The following GFRAL variants were observed in gnomAD, a reference collection of about 807,000 sequenced individuals.
GFRAL encodes the protein GDNF family receptor alpha like.
In GFRAL, 36 loss-of-function variants were observed where a neutral mutation model predicts 45.4. The ratio of observed to expected loss-of-function variants is 0.79; its 90% CI spans 0.61 to 1.05. GFRAL has a LOEUF of 1.05. Among genes scored for constraint, GFRAL ranks in the 50% least tolerant of loss-of-function variants. The probability of loss-of-function intolerance (pLI) is 0.00; values close to 1 mark genes in which losing one functional copy is unlikely to be tolerated. For synonymous variants in GFRAL, 166 were observed against 154.1 expected (o/e 1.08, Z -0.57); for missense variants, 507 against 467.5 (o/e 1.08, Z -0.78).
chr6:55,359,251 T>C (rs2127357353), intron 6 of GFRAL, 113 bp downstream of exon 6: 1 of 846,924 alleles, frequency 1.2e-6, no homozygotes, highest in African/African-American at 1.7e-5. Context: ...CACAGACATT[T>C]TTGTGTTTGG....
At chr6:55,335,596 A>G (rs1280269352) in intron 3 of GFRAL, among the ~76,000 whole-genome samples, 1 of 152,166 alleles carries the variant, frequency 6.6e-6, no homozygotes, top group Non-Finnish European at 1.5e-5. Flanking sequence ...CCTATGTTAC[A>G]TTATGAATTA....
chr6:55,397,492 T>C (rs1768842367), intron 6 of GFRAL, among the ~76,000 whole-genome samples: 1 of 118,066 alleles, frequency 8.5e-6, no homozygotes. Flanking sequence ...CAGTCCGCAG[T>C]CCGGCCTGGG....
chr6:55,349,263 C>A (rs1488263983), intron 3 of GFRAL, among the ~76,000 whole-genome samples: 1 of 152,048 alleles, frequency 6.6e-6, no homozygotes, highest in Non-Finnish European at 1.5e-5. Context: ...GAAATATGAA[C>A]AAACAGCTCA....
rs183313818 is a variant in GFRAL, at chr6:55,352,286, T to C, written c.701+703T>C. On this transcript the variant is annotated intron_variant, in intron 5 of 8. Coordinates refer to ENST00000340465, the MANE Select transcript of GFRAL (RefSeq NM_207410.2). ...TAATATACTTAATATATAAGGATTA[T>C]AGGTTAAACATTCCACAACAAAGTA... 5.3e-5 allele frequency among the ~76,000 whole-genome samples: 8 copies of C among 152,236 alleles called. No individual in the cohort carries two copies. The East Asian group carries it at 1.4e-3, about 26-fold the overall frequency.
intron 3 of GFRAL, among the ~76,000 whole-genome samples, chr6:55,347,943 T>A (rs1237541731): frequency 6.6e-6 from 1 of 152,166 alleles, no homozygotes; most frequent in Non-Finnish European, 1.5e-5. Context: ...ATTGTAAGCA[T>A]ATTTCTTATC....
At chr6:55,369,853 G>T (rs1385017841) in intron 6 of GFRAL, among the ~76,000 whole-genome samples, 1 of 152,052 alleles carries the variant, frequency 6.6e-6, no homozygotes, top group East Asian at 1.9e-4. Flanking sequence ...AAAATATCCT[G>T]CTTCTTTAGT....
chr6:55,380,386 T>G (rs2127363023), intron 6 of GFRAL, among the ~76,000 whole-genome samples: 1 of 152,082 alleles, frequency 6.6e-6, no homozygotes, highest in South Asian at 2.1e-4. Flanking sequence ...GACATTAAAT[T>G]TTTGGTTCTC....
At chr6:55,334,085 G>T (rs1212222514) in intron 3 of GFRAL, 141 bp downstream of exon 3, 3 of 596,382 alleles carry the variant, frequency 5.0e-6, no homozygotes, top group Non-Finnish European at 8.1e-6. Context: ...TAAAAATTTT[G>T]TTGGTATATA....
chr6:55,355,032 A>T (rs1449534540), intron 5 of GFRAL, among the ~76,000 whole-genome samples: 1 of 152,002 alleles, frequency 6.6e-6, no homozygotes, highest in Non-Finnish European at 1.5e-5. Flanking sequence ...AACTTAAAAA[A>T]GTAATGACAA....
At chr6:55,378,678 A>T (rs1195060119) in intron 6 of GFRAL, among the ~76,000 whole-genome samples, 1 of 151,194 alleles carries the variant, frequency 6.6e-6, no homozygotes, top group Non-Finnish European at 1.5e-5. Context: ...CCTTTTCTAC[A>T]GTCTTCCAAG....
In GFRAL at chr6:55,373,796, T is replaced by A. The variant is rs117642304; in HGVS notation, c.952+14658T>A. ...TACATGTGCAGGATATACGGTTTGT[T>A]ACATAGGTAAATGCATGCCATAGTG... On this transcript the variant is annotated intron_variant, in intron 6 of 8. Transcript: ENST00000340465. Among the ~76,000 whole-genome samples, 22 of 152,230 alleles carry A rather than the reference T, an allele frequency of 1.4e-4. No homozygotes were observed. In the East Asian group the frequency reaches 4.3e-3, roughly 29 times the overall value.
chr6:55,395,175 A>AAAAAATATATATATATATATATATATAT, intron 6 of GFRAL, among the ~76,000 whole-genome samples: 2 of 123,508 alleles, frequency 1.6e-5, no homozygotes, highest in African/African-American at 6.9e-5. Flanking sequence ...AAAAAAAAAA[A>AAAAAATATATATATATATATATATATAT]ATATATATAT....
At chr6:55,350,635 A>C (rs1052956084) in intron 4 of GFRAL, among the ~76,000 whole-genome samples, 1 of 152,136 alleles carries the variant, frequency 6.6e-6, no homozygotes, top group East Asian at 1.9e-4. Flanking sequence ...CAGGAGTTGG[A>C]GGTTGCAGTG....
intron 6 of GFRAL, among the ~76,000 whole-genome samples, chr6:55,377,299 A>G (rs1434324792): frequency 6.6e-6 from 1 of 152,024 alleles, no homozygotes; most frequent in Non-Finnish European, 1.5e-5. Flanking sequence ...TATATAGGCT[A>G]GGCATCACTA....
At chr6:55,398,290 G>A (rs1331844139) in intron 6 of GFRAL, among the ~76,000 whole-genome samples, 1 of 152,128 alleles carries the variant, frequency 6.6e-6, no homozygotes, top group Non-Finnish European at 1.5e-5. Flanking sequence ...CAAAAATGCA[G>A]GAAGCATCTA....
intron 6 of GFRAL, among the ~76,000 whole-genome samples, chr6:55,379,130 G>A (rs1295924238): frequency 1.3e-5 from 2 of 151,896 alleles, no homozygotes; most frequent in Non-Finnish European, 2.9e-5. Context: ...CAAATATTGT[G>A]TATATGTTAC....
At chr6:55,394,662 G>C (rs996260417) in intron 6 of GFRAL, among the ~76,000 whole-genome samples, 7 of 152,090 alleles carry the variant, frequency 4.6e-5, no homozygotes, top group African/African-American at 1.7e-4. Flanking sequence ...ATCTTTTCAA[G>C]ATGGCTTGAA....
chr6:55,359,027 G>A lies in GFRAL; in HGVS notation c.841G>A (p.Asp281Asn). 6.2e-7 allele frequency: 1 copy of A among 1,613,052 alleles called. No homozygotes were observed. The stretch of plus-strand genomic sequence containing the variant: ...TGATGACTGCAAAGCTGCTTACATA[G>A]ATATCCTTGGGACGGTCCTTCAAGT... ...GSDDCKAAYIDILGTVLQVQC... is the reference protein window; with the variant it reads ...GSDDCKAAYINILGTVLQVQC... Residue 281 changes from aspartate to asparagine, a missense_variant, in exon 6 of 9, where the codon GAT (aspartate) becomes AAT (asparagine). By Grantham distance (23) the Asp-to-Asn change is conservative. Coordinates refer to ENST00000340465, the MANE Select transcript of GFRAL (RefSeq NM_207410.2).
intron 6 of GFRAL, among the ~76,000 whole-genome samples, chr6:55,374,476 C>T (rs1768497590): frequency 6.6e-6 from 1 of 151,838 alleles, no homozygotes; most frequent in South Asian, 2.1e-4. Flanking sequence ...AATAGTGTTG[C>T]TTGTTTTTTT....
Sources: gnomAD v4.1 joint callset for allele counts (sites outside exome capture counted in the v4.1 genomes callset) on GRCh38, gnomAD v4.1.1 for gene constraint, MANE v1.5 for transcripts, NCBI Gene and HGNC (gene_info 2026-07-23, HGNC 2026-07-21) for gene names.